Variants in TWF2 observed in about 807,000 individuals in gnomAD.
TWF2 encodes the protein twinfilin actin binding protein 2.
Under a neutral mutation model 45.1 loss-of-function variants are expected in TWF2, and 15 were observed. The observed-to-expected ratio is 0.33, with a 90% CI of 0.22 to 0.51. The LOEUF is 0.51. Among genes scored for constraint, TWF2 ranks in the 20% least tolerant of loss-of-function variants. The probability of loss-of-function intolerance (pLI) is 0.97; values close to 1 mark genes in which losing one functional copy is unlikely to be tolerated. For synonymous variants in TWF2, 177 were observed against 195.8 expected (o/e 0.90, Z 0.80); for missense variants, 423 against 469.1 (o/e 0.90, Z 0.91).
chr3:52,231,707 C>G (rs763759194), intron 3 of TWF2, among the ~76,000 whole-genome samples, 168 bp from the exon 4 acceptor site: 107 of 152,342 alleles, frequency 7.0e-4, no homozygotes, highest in Non-Finnish European at 4.3e-4. Context: ...AGGGGGAGCC[C>G]TCGTCCAGCC....
intron 7 of TWF2, 26 bp downstream of exon 7, chr3:52,229,894 T>C (rs752893678): frequency 1.3e-6 from 2 of 1,599,496 alleles, no homozygotes; most frequent in Non-Finnish European, 1.7e-6. Context: ...AGCCACAGGC[T>C]TGGGAGCCCT....
In TWF2 at chr3:52,232,186, C is replaced by T. The variant is rs1343779567; in HGVS notation, c.104-64G>A. On this transcript the variant is annotated intron_variant, in intron 2 of 8. Transcript: ENST00000305533. Reference sequence around the variant, plus strand: ...CCACTGCGCCTCCCGCTGCAGACCTCCAGCCTCGCCGTGGCTGCCCAGCTG... The same window carrying T: ...CCACTGCGCCTCCCGCTGCAGACCTTCAGCCTCGCCGTGGCTGCCCAGCTG... 4 of 1,447,254 alleles carry T rather than the reference C, an allele frequency of 2.8e-6. No individual in the cohort carries two copies. In the African/African-American group the frequency reaches 5.7e-5, roughly 21 times the overall value. 89.7% of individuals were successfully genotyped at this position (1,447,254 alleles called of 1,614,324 possible).
At chr3:52,232,167 C>A in intron 2 of TWF2, 45 bp from the exon 3 acceptor site, 1 of 1,475,278 alleles carries the variant, frequency 6.8e-7, no homozygotes, top group South Asian at 1.4e-5. Context: ...GCTCCCACTG[C>A]GCCTCCCGCT....
chr3:52,229,537 G>A, intron 8 of TWF2, 124 bp downstream of exon 8: 1 of 1,482,888 alleles, frequency 6.7e-7, no homozygotes, highest in Non-Finnish European at 9.0e-7. Context: ...TTGGGCCTCA[G>A]ATGCCCTATG....
At chr3:52,232,555 C>T (rs552951702) in intron 2 of TWF2, among the ~76,000 whole-genome samples, 50 of 152,250 alleles carry the variant, frequency 3.3e-4, no homozygotes, top group African/African-American at 1.1e-3. Context: ...GCAGAAGAAC[C>T]GCAGCAGACT....
At chr3:52,233,270 C>T (rs1023005902) in intron 2 of TWF2, among the ~76,000 whole-genome samples, 3 of 152,232 alleles carry the variant, frequency 2.0e-5, no homozygotes, top group Non-Finnish European at 4.4e-5. Flanking sequence ...GGCCCCGATG[C>T]CTGGACGCCC....
intron 2 of TWF2, among the ~76,000 whole-genome samples, chr3:52,233,173 G>T (rs1317469084): frequency 6.6e-6 from 1 of 152,216 alleles, no homozygotes; most frequent in African/African-American, 2.4e-5. Context: ...CACAGGTCTA[G>T]CCTGGAGCAA....
chr3:52,235,552 A>ACG (rs1195593525), intron 1 of TWF2, among the ~76,000 whole-genome samples: 7 of 152,194 alleles, frequency 4.6e-5, no homozygotes, highest in African/African-American at 1.7e-4. Flanking sequence ...ACACACACAC[A>ACG]CACACACACA....
At position 52,232,135 on chromosome 3, in the gene TWF2, G is replaced by C. The variant is rs1236967082; in HGVS notation, c.104-13C>G. The C allele has an allele frequency of 2.0e-6, 3 of 1,535,500 alleles. No homozygotes were observed. The highest frequency in any genetic ancestry group is 8.8e-7 in the Non-Finnish European group (1 of 1,139,138). On this transcript the variant is annotated splice_polypyrimidine_tract_variant and intron_variant, in intron 2 of 8. Transcript: ENST00000305533. ...AGCACGAGCTGCTCTGGGGGCAGAG[G>C]CCGGATGAGCAGCCGCTCCCAGCTC...
intron 1 of TWF2, among the ~76,000 whole-genome samples, chr3:52,236,613 C>G (rs1357948928): frequency 6.6e-6 from 1 of 152,122 alleles, no homozygotes. Context: ...CAGGACTGGG[C>G]AACTCAGGGG....
chr3:52,235,961 TG>T (rs919521643), intron 1 of TWF2, among the ~76,000 whole-genome samples: 1 of 152,070 alleles, frequency 6.6e-6, no homozygotes, highest in African/African-American at 2.4e-5. Context: ...CTCAGGCAGT[TG>T]GGGCAGCTTC....
intron 8 of TWF2, among the ~76,000 whole-genome samples, 182 bp downstream of exon 8, chr3:52,229,479 T>A (rs534218240): frequency 6.6e-6 from 1 of 152,338 alleles, no homozygotes; most frequent in Admixed American, 6.5e-5. Context: ...CTTGGACTTT[T>A]CTGAGCCACC....
At chr3:52,234,839 G>C (rs1329115726) in intron 2 of TWF2, among the ~76,000 whole-genome samples, 190 bp downstream of exon 2, 1 of 152,230 alleles carries the variant, frequency 6.6e-6, no homozygotes, top group African/African-American at 2.4e-5. Context: ...CTGCATAACA[G>C]AGGTGACAAT....
In TWF2 at chr3:52,239,074, C is replaced by T; in HGVS notation, c.-58G>A. 6.3e-7 allele frequency: 1 copy of T among 1,577,188 alleles called. No individual in the cohort carries two copies. Among genetic ancestry groups the T allele is most frequent in the Non-Finnish European group, 8.6e-7 (1 of 1,168,892 alleles). The stretch of plus-strand genomic sequence containing the variant: ...AGCCCTCCGCTTGACCCTGGCCCGG[C>T]AACGCTCGCTGGACCAAGAGAGGTG... On this transcript the variant is annotated 5_prime_UTR_variant, in exon 1 of 9. Transcript: ENST00000305533.
rs539082779 is a variant in TWF2 at position 52,239,061 on chromosome 3, G to C, written c.-45C>G. On this transcript the variant is annotated 5_prime_UTR_variant, in exon 1 of 9. Coordinates refer to ENST00000305533, the MANE Select transcript of TWF2 (RefSeq NM_007284.4). ...TCCGCGCCGTCGGAGCCCTCCGCTTGACCCTGGCCCGGCAACGCTCGCTGG... is the reference window on the plus strand; with the variant it reads ...TCCGCGCCGTCGGAGCCCTCCGCTTCACCCTGGCCCGGCAACGCTCGCTGG... The C allele has an allele frequency of 1.6e-5, 26 of 1,585,848 alleles. 1 individual carries two copies. The Middle Eastern group carries it at 5.8e-4, about 36-fold the overall frequency.
rs1483750690 is a variant in TWF2 at position 52,230,879 on chromosome 3, G to A, written c.600C>T (p.Tyr200=). Reference sequence around the variant, plus strand: ...GGGAGCAGGCACCCACCATCTGGATGTAGTTGACCATTTTCTGCTTGAGCT... The same window carrying A: ...GGGAGCAGGCACCCACCATCTGGATATAGTTGACCATTTTCTGCTTGAGCT... The part of the protein sequence containing the change: ...LQQLKQKMVN[Y]IQMKLDLERE... Residue 200 remains tyrosine (Y), a synonymous_variant, in exon 6 of 9, where the codon TAC becomes TAT. Transcript: ENST00000305533. 1.9e-6 allele frequency: 3 copies of A among 1,611,584 alleles called. No homozygotes were observed. Among genetic ancestry groups the A allele is most frequent in the Admixed American group, 1.7e-5 (1 of 59,604 alleles).
chr3:52,232,232 C>G, intron 2 of TWF2, 110 bp from the exon 3 acceptor site: 1 of 1,310,416 alleles, frequency 7.6e-7, no homozygotes, highest in Non-Finnish European at 1.0e-6. Flanking sequence ...GCCGGCTGCC[C>G]CTCACCTTCC....
At chr3:52,237,009 C>G (rs1699731848) in intron 1 of TWF2, among the ~76,000 whole-genome samples, 1 of 152,154 alleles carries the variant, frequency 6.6e-6, no homozygotes, top group African/African-American at 2.4e-5. Flanking sequence ...GGAGAAAGGG[C>G]TTGGCGATGG....
Position 52,230,943 on chromosome 3 carries a change from GC to G in TWF2, c.535del (p.Ala179ProfsTer25). On this transcript the variant is annotated frameshift_variant, in exon 6 of 9. Transcript: ENST00000305533. LOFTEE classifies it high-confidence loss of function. ...ESKHQTLQGL[A>X]FPLQPEAQRA... ...CTGGGCCTCAGGCTGCAGGGGGAAG[GC>G]GAGGCCCTGCAGGGTCTGGTGCTTG... 6.2e-7 allele frequency: 1 copy of G among 1,604,348 alleles called. No homozygotes were observed. Among genetic ancestry groups the G allele is most frequent in the Non-Finnish European group, 8.5e-7 (1 of 1,175,604 alleles).
Sources: gnomAD v4.1 joint callset for allele counts (sites outside exome capture counted in the v4.1 genomes callset) on GRCh38, gnomAD v4.1.1 for gene constraint, MANE v1.5 for transcripts, NCBI Gene and HGNC (gene_info 2026-07-23, HGNC 2026-07-21) for gene names.